Variants in RAB7A observed in about 807,000 individuals in gnomAD.
The protein encoded by RAB7A is ras-related protein Rab-7a.
In RAB7A, 2 loss-of-function variants were observed where a neutral mutation model predicts 24.5. The observed-to-expected ratio is 0.08, with a 90% CI of 0.03 to 0.26. The LOEUF is 0.26. Ranked by LOEUF, RAB7A falls within the 10% of genes least tolerant of loss-of-function variation. The pLI is 1.00. For synonymous variants in RAB7A, 100 were observed against 95.9 expected, an observed-to-expected ratio of 1.04 and a Z score of -0.25; for missense variants, 118 against 255.7, an observed-to-expected ratio of 0.46 and a Z score of 3.67.
chr3:128,766,709 T>C (rs963513653), intron 1 of RAB7A, among the ~76,000 whole-genome samples: 1 of 152,178 alleles, frequency 6.6e-6, no homozygotes, highest in Non-Finnish European at 1.5e-5. Flanking sequence ...TTGGTTTTTT[T>C]CTTTATTTTT....
chr3:128,728,755 G>A (rs1472672798), intron 1 of RAB7A, among the ~76,000 whole-genome samples: 2 of 152,172 alleles, frequency 1.3e-5, no homozygotes, highest in South Asian at 2.1e-4. Flanking sequence ...GAGCCACTGC[G>A]CCCGGCCGAC....
chr3:128,755,036 C>T (rs1466806674), intron 1 of RAB7A, among the ~76,000 whole-genome samples: 1 of 152,140 alleles, frequency 6.6e-6, no homozygotes, highest in African/African-American at 2.4e-5. Context: ...ATACACGGGG[C>T]ATTCTACTCA....
intron 1 of RAB7A, among the ~76,000 whole-genome samples, chr3:128,737,203 C>G (rs574502305): frequency 6.6e-5 from 10 of 152,030 alleles, no homozygotes; most frequent in Admixed American, 2.0e-4. Flanking sequence ...ACACACCTGG[C>G]TAATTTTTTG....
chr3:128,798,440 C>T (rs1933622913), intron 3 of RAB7A: 1 of 260,880 alleles, frequency 3.8e-6, no homozygotes, highest in African/African-American at 2.2e-5. Context: ...ACATCTTTGT[C>T]TCACCTCAGT....
At chr3:128,792,871 G>C (rs1434525411) in intron 1 of RAB7A, among the ~76,000 whole-genome samples, 1 of 144,480 alleles carries the variant, frequency 6.9e-6, no homozygotes, top group African/African-American at 2.5e-5. Flanking sequence ...ATTCATTTGA[G>C]ACAGTGCCTC....
intron 1 of RAB7A, among the ~76,000 whole-genome samples, chr3:128,792,943 C>T (rs1406713172): frequency 2.0e-5 from 3 of 151,320 alleles, no homozygotes; most frequent in African/African-American, 4.9e-5. Context: ...CTCCGCCTCC[C>T]GGGTTCAAAC....
chr3:128,784,226 C>T (rs758895878), intron 1 of RAB7A, among the ~76,000 whole-genome samples: 5 of 152,192 alleles, frequency 3.3e-5, no homozygotes, highest in African/African-American at 9.7e-5. Context: ...AACACAATTC[C>T]TCCCCAAGAA....
intron 4 of RAB7A, among the ~76,000 whole-genome samples, chr3:128,807,153 T>C (rs916980224): frequency 6.6e-6 from 1 of 152,162 alleles, no homozygotes; most frequent in Admixed American, 6.5e-5. Flanking sequence ...CTAGCAGTAA[T>C]GGTGAAGGGA....
rs983681938 is a variant in RAB7A, at chr3:128,807,626, C to T, written c.483C>T (p.Asn161=). The stretch of plus-strand genomic sequence containing the variant: ...AGACCAGTGCCAAGGAGGCCATCAA[C>T]GTGGAGCAGGCGTTCCAGACGATTG... ...YFETSAKEAI[N]VEQAFQTIAR... The change falls in exon 5 of 6, where the codon AAC becomes AAT. Residue 161 remains asparagine (N), a synonymous_variant. Coordinates refer to ENST00000265062, the MANE Select transcript of RAB7A (RefSeq NM_004637.6). The T allele has an allele frequency of 5.0e-6, 8 of 1,614,128 alleles. No individual in the cohort carries two copies. Among genetic ancestry groups the T allele is most frequent in the African/African-American group, 4.0e-5 (3 of 74,944 alleles).
At chr3:128,731,736 G>A (rs966019607) in intron 1 of RAB7A, among the ~76,000 whole-genome samples, 2 of 152,056 alleles carry the variant, frequency 1.3e-5, no homozygotes, top group African/African-American at 4.8e-5. Context: ...GGCCGGGGGC[G>A]ATGGCTCACA....
At chr3:128,781,640 C>T (rs1166959751) in intron 1 of RAB7A, among the ~76,000 whole-genome samples, 1 of 152,108 alleles carries the variant, frequency 6.6e-6, no homozygotes, top group African/African-American at 2.4e-5. Flanking sequence ...CTACTGCACT[C>T]CAGTCTGGGA....
chr3:128,772,140 A>G (rs1205758742), intron 1 of RAB7A, among the ~76,000 whole-genome samples: 2 of 152,244 alleles, frequency 1.3e-5, no homozygotes, highest in Non-Finnish European at 1.5e-5. Flanking sequence ...AATGTCAGTA[A>G]TGTCGAAATG....
chr3:128,798,240 T>G (rs181454865), intron 3 of RAB7A, 171 bp downstream of exon 3: 38 of 758,010 alleles, frequency 5.0e-5, no homozygotes, highest in East Asian at 2.6e-4. Context: ...GTGAATACTT[T>G]TTTAGTATAC....
At chr3:128,807,744 G>C in intron 5 of RAB7A, 73 bp downstream of exon 5, 1 of 1,602,452 alleles carries the variant, frequency 6.2e-7, no homozygotes, top group East Asian at 2.2e-5. Flanking sequence ...CTGGCCTCCT[G>C]CCCTTAATCT....
intron 3 of RAB7A, among the ~76,000 whole-genome samples, chr3:128,799,391 T>C (rs187409679): frequency 6.6e-6 from 1 of 152,342 alleles, no homozygotes; most frequent in African/African-American, 2.4e-5. Context: ...TGGAAACTTC[T>C]ATCTCCATGG....
rs56027163 is a variant in RAB7A, at chr3:128,737,825, G to GTTTTTTTTTTTTTTTTT, written c.-9+11482_-9+11498dup. ...CACCACATCTGGCTATTTTTTTGTA[G>GTTTTTTTTTTTTTTTTT]TTTTTTTTTTTTTTTTTTTTTTTTT... On this transcript the variant is annotated intron_variant, in intron 1 of 5. Transcript: ENST00000265062. 4.7e-4 allele frequency among the ~76,000 whole-genome samples: 28 copies of GTTTTTTTTTTTTTTTTT among 59,486 alleles called. 2 individuals carry two copies. The highest frequency in any genetic ancestry group is 8.2e-4 in the African/African-American group (13 of 15,818). The allele number at this position is 59,486 out of a possible 152,430, so 39.0% of individuals were successfully genotyped here. A position where few individuals can be genotyped will look rare whatever the true frequency, so the allele number is the denominator to read the frequency against.
At chr3:128,772,485 AAT>A (rs1443106331) in intron 1 of RAB7A, among the ~76,000 whole-genome samples, 1 of 152,054 alleles carries the variant, frequency 6.6e-6, no homozygotes, top group African/African-American at 2.4e-5. Context: ...GGGGGTTGTG[AAT>A]TAAATTCCTA....
At chr3:128,738,130 T>C (rs530536630) in intron 1 of RAB7A, among the ~76,000 whole-genome samples, 1 of 152,092 alleles carries the variant, frequency 6.6e-6, no homozygotes, top group Non-Finnish European at 1.5e-5. Context: ...CCTCTTGAGC[T>C]CAAGTCATCC....
intron 1 of RAB7A, among the ~76,000 whole-genome samples, chr3:128,733,966 C>T (rs6780207): frequency 0.27 from 41,110 of 152,082 alleles, 7,028 homozygotes; most frequent in African/African-American, 0.48. Context: ...CTTTTTCTCT[C>T]TAATTTTAGT....
Sources: allele counts gnomAD v4.1 joint callset (sites outside exome capture counted in the v4.1 genomes callset), GRCh38; gene constraint gnomAD v4.1.1; transcripts MANE v1.5; gene names NCBI Gene and HGNC (gene_info 2026-07-23, HGNC 2026-07-21).